GDPD5: variants seen among roughly 807,000 people sequenced by gnomAD.
GDPD5 encodes the protein glycerophosphodiester phosphodiesterase domain containing 5.
A neutral mutation model predicts 75.1 loss-of-function variants in GDPD5; 48 were observed. That is an observed-to-expected ratio of 0.64 (90% CI 0.51 to 0.81). The LOEUF (loss-of-function observed/expected upper bound fraction) is 0.81. Ranked by LOEUF, GDPD5 falls within the 40% of genes least tolerant of loss-of-function variation. GDPD5 has a pLI of 0.00. For synonymous variants in GDPD5, 336 were observed against 339.0 expected (o/e 0.99, Z 0.10); for missense variants, 706 against 822.6 (o/e 0.86, Z 1.73).
At chr11:75,488,197 C>A (rs1950050058) in intron 2 of GDPD5, among the ~76,000 whole-genome samples, 1 of 152,086 alleles carries the variant, frequency 6.6e-6, no homozygotes, top group East Asian at 1.9e-4. Flanking sequence ...TTAAGGCCAT[C>A]CTAAGAAGAG....
At position 75,441,303 on chromosome 11, in the gene GDPD5, C is replaced by T. The variant is rs778547647; in HGVS notation, c.1333G>A (p.Ala445Thr). 1.2e-5 allele frequency: 19 copies of T among 1,613,992 alleles called. No individual in the cohort carries two copies. The highest frequency in any genetic ancestry group is 3.3e-5 in the Admixed American group (2 of 60,010). Residue 445 changes from alanine (A) to threonine (T), a missense_variant, in exon 14 of 17, where the codon GCG becomes ACG. Transcript: ENST00000336898. ...QVSRQELRDYASWNLSVNLYT... is the reference protein window; with the variant it reads ...QVSRQELRDYTSWNLSVNLYT... ...AGGTTCACACTCAGGTTCCAGGACG[C>T]GTAGTCCCTGTGGGGCAGGGGAGAG...
At chr11:75,444,318 G>A in intron 10 of GDPD5, 95 bp downstream of exon 10, 1 of 878,166 alleles carries the variant, frequency 1.1e-6, no homozygotes, top group Non-Finnish European at 1.9e-6. Flanking sequence ...CCATCTCAGA[G>A]GCTCTGAGAC....
At chr11:75,437,291 G>A in intron 15 of GDPD5, 1 of 538,830 alleles carries the variant, frequency 1.9e-6, no homozygotes, top group Non-Finnish European at 3.3e-6. Flanking sequence ...AGCAGCCCTG[G>A]CCCAGGACTA....
intron 9 of GDPD5, among the ~76,000 whole-genome samples, chr11:75,444,922 T>C (rs913853399): frequency 6.6e-6 from 1 of 152,062 alleles, no homozygotes; most frequent in African/African-American, 2.4e-5. Flanking sequence ...GTTATACCCT[T>C]GGTTATACCA....
chr11:75,511,711 C>G (rs1203478631), intron 1 of GDPD5, among the ~76,000 whole-genome samples: 1 of 152,140 alleles, frequency 6.6e-6, no homozygotes, highest in Non-Finnish European at 1.5e-5. Context: ...AAAAGTCCAA[C>G]CTCAGCCACC....
In GDPD5 at chr11:75,444,448, C is replaced by T; in HGVS notation, c.762G>A (p.Gln254=). 1 of 1,613,954 alleles carries T rather than the reference C, an allele frequency of 6.2e-7. No homozygotes were observed. Among genetic ancestry groups the T allele is most frequent in the Non-Finnish European group, 8.5e-7 (1 of 1,179,930 alleles). The change falls in exon 10 of 17, where the codon CAG becomes CAA. Residue 254 remains glutamine (Q), a synonymous_variant. Coordinates refer to ENST00000336898, the MANE Select transcript of GDPD5 (RefSeq NM_030792.8). ...TLMSFRKALE[Q]KLYGLQADIT... ...TGTCAGCCTGGAGCCCGTACAGCTTCTGCTCGAGGGCCTTCCGGAAGGACA... is the reference window on the plus strand; with the variant it reads ...TGTCAGCCTGGAGCCCGTACAGCTTTTGCTCGAGGGCCTTCCGGAAGGACA...
chr11:75,448,008 A>AGG (rs1160896621), intron 9 of GDPD5, among the ~76,000 whole-genome samples: 1 of 152,272 alleles, frequency 6.6e-6, no homozygotes, highest in East Asian at 1.9e-4. Flanking sequence ...CACCACATGC[A>AGG]GGGGGCCAGA....
intron 3 of GDPD5, among the ~76,000 whole-genome samples, chr11:75,476,005 G>C (rs564914362): frequency 6.6e-5 from 10 of 152,184 alleles, no homozygotes; most frequent in African/African-American, 2.4e-4. Flanking sequence ...GGCCCACCAA[G>C]GAGATGAGAC....
At chr11:75,447,160 A>C (rs1355575028) in intron 9 of GDPD5, among the ~76,000 whole-genome samples, 1 of 152,184 alleles carries the variant, frequency 6.6e-6, no homozygotes, top group Non-Finnish European at 1.5e-5. Flanking sequence ...TGGGATTACA[A>C]GCATGAGCCA....
intron 6 of GDPD5, 27 bp downstream of exon 6, chr11:75,456,730 C>G: frequency 6.2e-7 from 1 of 1,613,550 alleles, no homozygotes; most frequent in South Asian, 1.1e-5. Context: ...CTTGCTCTCT[C>G]CCAGCCCCGG....
chr11:75,447,540 G>GATAA (rs754037053), intron 9 of GDPD5, among the ~76,000 whole-genome samples: 1 of 152,102 alleles, frequency 6.6e-6, no homozygotes, highest in Non-Finnish European at 1.5e-5. Context: ...GATAAGTATG[G>GATAA]GATTGGATTC....
chr11:75,455,327 G>C (rs1263069939), intron 6 of GDPD5: 10 of 456,032 alleles, frequency 2.2e-5, no homozygotes, highest in Admixed American at 4.7e-5. Flanking sequence ...CTCCCTCACA[G>C]AGGGGATAGT....
At chr11:75,509,227 C>T (rs1330845727) in intron 1 of GDPD5, among the ~76,000 whole-genome samples, 1 of 152,120 alleles carries the variant, frequency 6.6e-6, no homozygotes, top group South Asian at 2.1e-4. Context: ...CCTCAGAGGC[C>T]GAGACCCCTG....
At chr11:75,435,721 T>A in intron 16 of GDPD5, 66 bp from the exon 17 acceptor site, 3 of 1,518,504 alleles carry the variant, frequency 2.0e-6, no homozygotes, top group Non-Finnish European at 2.7e-6. Context: ...GGGTGACAGA[T>A]GGGGCAGGAA....
intron 3 of GDPD5, among the ~76,000 whole-genome samples, 185 bp downstream of exon 3, chr11:75,477,434 C>A (rs939916438): frequency 7.9e-5 from 12 of 152,238 alleles, no homozygotes; most frequent in African/African-American, 2.4e-5. Flanking sequence ...TCCTTCCATG[C>A]CCTCCTGGTC....
intron 5 of GDPD5, 21 bp from the exon 6 acceptor site, chr11:75,456,837 T>C: frequency 1.2e-6 from 2 of 1,612,828 alleles, no homozygotes; most frequent in Non-Finnish European, 1.7e-6. Context: ...ACCCACAGGG[T>C]GATTGTCAGG....
intron 3 of GDPD5, among the ~76,000 whole-genome samples, chr11:75,473,303 T>G (rs1268069030): frequency 6.6e-6 from 1 of 152,020 alleles, no homozygotes; most frequent in East Asian, 1.9e-4. Flanking sequence ...GAGAACGCTG[T>G]ACTCTCACTC....
intron 11 of GDPD5, 52 bp from the exon 12 acceptor site, chr11:75,442,633 C>T (rs1239405165): frequency 3.3e-6 from 5 of 1,537,074 alleles, no homozygotes; most frequent in Non-Finnish European, 9.0e-7. Flanking sequence ...CTTTGGGGGC[C>T]CCCACATACC....
intron 9 of GDPD5, among the ~76,000 whole-genome samples, chr11:75,446,671 A>C (rs1208915170): frequency 6.6e-6 from 1 of 152,178 alleles, no homozygotes; most frequent in Non-Finnish European, 1.5e-5. Context: ...TCCAAGACAG[A>C]GATGTGCACT....
Sources: gnomAD v4.1 joint callset for allele counts (sites outside exome capture counted in the v4.1 genomes callset) on GRCh38, gnomAD v4.1.1 for gene constraint, MANE v1.5 for transcripts, NCBI Gene and HGNC (gene_info 2026-07-23, HGNC 2026-07-21) for gene names.